The following SNTG2 variants were observed in gnomAD, a reference collection of about 807,000 sequenced individuals.
SNTG2 encodes the protein syntrophin gamma 2.
Under a neutral mutation model 70.9 loss-of-function variants are expected in SNTG2, and 74 were observed. That is an observed-to-expected ratio of 1.04 (90% CI 0.86 to 1.27). The LOEUF (loss-of-function observed/expected upper bound fraction) is 1.27. Among genes scored for constraint, SNTG2 ranks in the 50% most tolerant of loss-of-function variants. The probability of loss-of-function intolerance (pLI) is 0.00; values close to 1 mark genes in which losing one functional copy is unlikely to be tolerated. For missense variants in SNTG2, 717 were observed against 690.7 expected (o/e 1.04, Z -0.43); for synonymous variants, 278 against 273.8 (o/e 1.02, Z -0.15).
chr2:1,274,539 G>GT (rs1679193082), intron 14 of SNTG2, among the ~76,000 whole-genome samples: 1 of 152,150 alleles, frequency 6.6e-6, no homozygotes, highest in African/African-American at 2.4e-5. Flanking sequence ...CACGGATTGT[G>GT]TTTTTGGTGT....
At chr2:1,050,781 A>C (rs1177295246) in intron 1 of SNTG2, among the ~76,000 whole-genome samples, 1 of 152,224 alleles carries the variant, frequency 6.6e-6, no homozygotes, top group East Asian at 1.9e-4. Context: ...ACAACTTGAA[A>C]ATAATTCATC....
intron 1 of SNTG2, among the ~76,000 whole-genome samples, chr2:963,627 T>TA (rs138457329): frequency 0.43 from 66,020 of 152,038 alleles, 14,852 homozygotes; most frequent in Middle Eastern, 0.55. Flanking sequence ...TGCCAGTTTT[T>TA]AACTTCACTA....
chr2:1,341,663 G>T lies in SNTG2; in HGVS notation c.1488+25288G>T, dbSNP rs531050528. The T allele has an allele frequency of 3.3e-5, 5 of 152,208 alleles. No individual in the cohort carries two copies. In the East Asian group the frequency reaches 9.7e-4, roughly 29 times the overall value. 9.4% of individuals were successfully genotyped at this position (152,208 alleles called of 1,614,324 possible). On this transcript the variant is annotated intron_variant, in intron 16 of 16. Transcript: ENST00000308624. ...GACAGTTGCATTTCCTTTGAAAGAA[G>T]CTTTCTCAGTCAAATGAGACTCCAG...
At chr2:1,104,560 A>G (rs1295064553) in intron 4 of SNTG2, among the ~76,000 whole-genome samples, 1 of 152,226 alleles carries the variant, frequency 6.6e-6, no homozygotes, top group Non-Finnish European at 1.5e-5. Flanking sequence ...AGGTTTCTGC[A>G]TGTATGTACC....
chr2:995,900 G>T (rs939940628), intron 1 of SNTG2, among the ~76,000 whole-genome samples: 3 of 152,130 alleles, frequency 2.0e-5, no homozygotes, highest in African/African-American at 7.2e-5. Context: ...GAGAGAATTA[G>T]TTGGCAAACA....
At chr2:1,362,970 A>C (rs1384792467) in intron 16 of SNTG2, among the ~76,000 whole-genome samples, 1 of 152,112 alleles carries the variant, frequency 6.6e-6, no homozygotes, top group Non-Finnish European at 1.5e-5. Context: ...AAAATGACTG[A>C]CACTGAGCAT....
In SNTG2 at chr2:1,155,510, G is replaced by A. The variant is rs13417505; in HGVS notation, c.412-10038G>A. 2.1e-3 allele frequency among the ~76,000 whole-genome samples: 314 copies of A among 152,168 alleles called. 1 individual carries two copies. The highest frequency in any genetic ancestry group is 7.2e-3 in the African/African-American group (300 of 41,494). On this transcript the variant is annotated intron_variant, in intron 6 of 16. Coordinates refer to ENST00000308624, the MANE Select transcript of SNTG2 (RefSeq NM_018968.4). ...AATACTACAGCCAGTAATTTCAGAA[G>A]GTTAATACAGAAAGGAGAGGCAGCA... is the stretch of plus-strand genomic sequence containing the variant.
At chr2:1,225,277 TGCAA>T (rs1373593547) in intron 9 of SNTG2, among the ~76,000 whole-genome samples, 9 of 152,330 alleles carry the variant, frequency 5.9e-5, no homozygotes, top group South Asian at 2.1e-4. Context: ...TTACAAGGTG[TGCAA>T]GAATATGTGC....
At chr2:1,000,702 G>T (rs1661837300) in intron 1 of SNTG2, among the ~76,000 whole-genome samples, 1 of 151,164 alleles carries the variant, frequency 6.6e-6, no homozygotes, top group Admixed American at 6.6e-5. Flanking sequence ...AGAAGAACTG[G>T]TACCAATCTT....
chr2:1,273,130 G>A (rs1279707999), intron 14 of SNTG2, among the ~76,000 whole-genome samples: 1 of 152,092 alleles, frequency 6.6e-6, no homozygotes, highest in Admixed American at 6.5e-5. Context: ...CTCGGGGAAC[G>A]GGACCTCACT....
At chr2:1,302,416 A>C (rs1429512427) in intron 14 of SNTG2, among the ~76,000 whole-genome samples, 2 of 152,096 alleles carry the variant, frequency 1.3e-5, no homozygotes, top group African/African-American at 4.8e-5. Context: ...ACTTCAACTA[A>C]ACTCATGGAG....
At chr2:1,354,486 C>T (rs1489786486) in intron 16 of SNTG2, among the ~76,000 whole-genome samples, 1 of 67,538 alleles carries the variant, frequency 1.5e-5, no homozygotes, top group African/African-American at 5.6e-5. Flanking sequence ...CGTGGCAGAG[C>T]GGCTGCCTGA....
chr2:998,829 A>G (rs1267209986), intron 1 of SNTG2, among the ~76,000 whole-genome samples: 3 of 152,270 alleles, frequency 2.0e-5, no homozygotes, highest in Admixed American at 6.5e-5. Context: ...AACAAGACCT[A>G]TAATTATTAC....
intron 16 of SNTG2, among the ~76,000 whole-genome samples, chr2:1,328,868 CAT>C (rs1681870360): frequency 6.6e-6 from 1 of 151,918 alleles, no homozygotes; most frequent in South Asian, 2.1e-4. Context: ...CATACACACA[CAT>C]ACACATGCAC....
rs1676792864 is a variant in SNTG2 at position 1,237,996 on chromosome 2, C to T, written c.828C>T (p.Ile276=). The T allele has an allele frequency of 6.2e-7, 1 of 1,610,396 alleles. No individual in the cohort carries two copies. The highest frequency in any genetic ancestry group is 1.7e-5 in the Admixed American group (1 of 59,668). The part of the protein sequence containing the change: ...TDWLRAVSAN[I]RELTLQNMKM... ...GGCTGCGGGCGGTCTCAGCCAACAT[C>T]AGGGAGCTGACACTTCAGAACGTGA... Residue 276 remains isoleucine, a synonymous_variant, in exon 10 of 17, where the codon ATC becomes ATT. Transcript: ENST00000308624.
intron 1 of SNTG2, among the ~76,000 whole-genome samples, chr2:1,048,460 A>G (rs987369008): frequency 6.6e-6 from 1 of 151,912 alleles, no homozygotes; most frequent in East Asian, 1.9e-4. Flanking sequence ...ATCTATATAT[A>G]TACACACACA....
At chr2:1,328,317 A>C (rs1279204203) in intron 16 of SNTG2, among the ~76,000 whole-genome samples, 2 of 152,226 alleles carry the variant, frequency 1.3e-5, no homozygotes, top group Non-Finnish European at 2.9e-5. Flanking sequence ...GCATGCAGAT[A>C]CAACATATGA....
chr2:1,144,982 T>C (rs1000595924), intron 6 of SNTG2, among the ~76,000 whole-genome samples: 2 of 152,178 alleles, frequency 1.3e-5, no homozygotes, highest in Non-Finnish European at 1.5e-5. Flanking sequence ...AACACACTGG[T>C]CAAAGAAGAA....
intron 1 of SNTG2, among the ~76,000 whole-genome samples, chr2:1,053,833 G>T (rs1662215872): frequency 6.6e-6 from 1 of 151,980 alleles, no homozygotes; most frequent in Admixed American, 6.5e-5. Context: ...CTGAGCTGAT[G>T]ACTCCCTTTC....
Sources: gnomAD v4.1 joint callset for allele counts (sites outside exome capture counted in the v4.1 genomes callset) on GRCh38, gnomAD v4.1.1 for gene constraint, MANE v1.5 for transcripts, NCBI Gene and HGNC (gene_info 2026-07-23, HGNC 2026-07-21) for gene names.